Variants in GLMN observed in about 807,000 individuals in gnomAD.
GLMN encodes glomulin.
Under a neutral mutation model 87.8 loss-of-function variants are expected in GLMN, and 75 were observed. The ratio of observed to expected loss-of-function variants is 0.85; its 90% confidence interval spans 0.71 to 1.04. The LOEUF (loss-of-function observed/expected upper bound fraction) is 1.04. Among genes scored for constraint, GLMN ranks in the 50% least tolerant of loss-of-function variants. The pLI, the probability that GLMN is intolerant of heterozygous loss-of-function variation, is 0.00. For synonymous variants in GLMN, 206 were observed against 221.6 expected, an observed-to-expected ratio of 0.93 and a Z score of 0.63; for missense variants, 588 against 658.8, an observed-to-expected ratio of 0.89 and a Z score of 1.18.
At chr1:92,365,188 A>G in the GLMN span, among the ~76,000 whole-genome samples, 1 of 152,168 alleles carries the variant, frequency 6.6e-6, no homozygotes, top group Non-Finnish European at 1.5e-5. Flanking sequence ...CCCCTTAAGT[A>G]AGACCTCTCA....
At chr1:92,345,900 G>T in the GLMN span, 1 of 1,603,290 alleles carries the variant, frequency 6.2e-7, no homozygotes, top group Middle Eastern at 1.7e-4. Context: ...TAATTGCTAT[G>T]GTGTTGCTGT....
At chr1:92,318,473 A>G in the GLMN span, among the ~76,000 whole-genome samples, 8 of 152,234 alleles carry the variant, frequency 5.3e-5, no homozygotes, top group East Asian at 9.7e-4. Context: ...TCTCTCTACT[A>G]TGTTTTTCCC....
intron 16 of GLMN, among the ~76,000 whole-genome samples, chr1:92,258,198 A>G (rs1228198721): frequency 2.0e-5 from 3 of 152,232 alleles, no homozygotes; most frequent in Non-Finnish European, 4.4e-5. Context: ...CAAAACCACA[A>G]TGAGATACCA....
In GLMN at chr1:92,266,097, G is replaced by T. The variant is rs78720856; in HGVS notation, c.1214+322C>A. Among the ~76,000 whole-genome samples, 383 of 152,262 alleles carry T rather than the reference G, an allele frequency of 2.5e-3. 3 individuals are homozygous for T. The highest frequency in any genetic ancestry group is 9.3e-3 in the South Asian group (45 of 4,828). On this transcript the variant is annotated intron_variant, in intron 13 of 18. Coordinates refer to ENST00000370360, the MANE Select transcript of GLMN (RefSeq NM_053274.3). ...TTTGAACTGTGAGTAATGGAGATTA[G>T]TGACATACATAAAGTTCCAGCAGGA...
At chr1:92,290,338 AT>A in intron 4 of GLMN, 32 bp from the exon 5 acceptor site, 1 of 1,253,610 alleles carries the variant, frequency 8.0e-7, no homozygotes, top group Non-Finnish European at 1.2e-6. Context: ...AACCTGTTTA[AT>A]ACAAGTTGTA....
intron 7 of GLMN, among the ~76,000 whole-genome samples, chr1:92,281,762 G>A (rs921013784): frequency 3.9e-5 from 6 of 151,928 alleles, no homozygotes; most frequent in Non-Finnish European, 5.9e-5. Context: ...TCAAAATAAA[G>A]GGGTGGAGAA....
chr1:92,254,671 G>A (rs899997003), intron 16 of GLMN, among the ~76,000 whole-genome samples: 2 of 152,140 alleles, frequency 1.3e-5, no homozygotes, highest in African/African-American at 2.4e-5. Flanking sequence ...AGCTTCATAA[G>A]TGAAGGAGAA....
intron 7 of GLMN, among the ~76,000 whole-genome samples, chr1:92,275,578 C>T (rs188772269): frequency 2.6e-5 from 4 of 152,312 alleles, no homozygotes; most frequent in Admixed American, 2.0e-4. Flanking sequence ...TTCATCCAAC[C>T]TCTTTTAAAG....
chr1:92,286,585 T>A lies in GLMN; in HGVS notation c.640A>T (p.Lys214Ter). Reference protein sequence around the residue: ...LKDELLKFCFKSLKCPLLTAQ... With the variant: ...LKDELLKFCF Reference sequence around the variant, plus strand: ...GTCAGCAAAGGGCATTTCAAGCTTTTGAAACAACTAAGGCATAAGAAATAG... The same window carrying A: ...GTCAGCAAAGGGCATTTCAAGCTTTAGAAACAACTAAGGCATAAGAAATAG... The change falls in exon 7 of 19, where the codon AAA becomes TAA. Residue 214 changes from lysine (K) to a stop codon, truncating the protein, a stop_gained. Coordinates refer to ENST00000370360, the MANE Select transcript of GLMN (RefSeq NM_053274.3). LOFTEE classifies it high-confidence loss of function. 6.4e-7 allele frequency: 1 copy of A among 1,550,998 alleles called. No homozygotes were observed. Among genetic ancestry groups the A allele is most frequent in the Non-Finnish European group, 8.9e-7 (1 of 1,123,042 alleles).
chr1:92,299,581 G>A (rs1166714254), upstream of GLMN, among the ~76,000 whole-genome samples: 2 of 152,300 alleles, frequency 1.3e-5, no homozygotes, highest in East Asian at 1.9e-4. Context: ...CAGACGGAGA[G>A]AGGTTTCCCC....
chr1:92,349,837 A>C, the GLMN span, among the ~76,000 whole-genome samples: 79 of 152,288 alleles, frequency 5.2e-4, 1 homozygote, highest in African/African-American at 1.9e-3. Flanking sequence ...CTGTGGTGGG[A>C]GGATCTCTTC....
the GLMN span, among the ~76,000 whole-genome samples, chr1:92,338,835 C>G: frequency 2.6e-5 from 4 of 151,986 alleles, no homozygotes; most frequent in East Asian, 7.7e-4. Flanking sequence ...GTCTTGAACT[C>G]TTGCCCTCAA....
chr1:92,251,008 C>T (rs905949502), intron 16 of GLMN, among the ~76,000 whole-genome samples: 2 of 152,130 alleles, frequency 1.3e-5, no homozygotes, highest in African/African-American at 4.8e-5. Flanking sequence ...CTCCAGCAAC[C>T]AGCAATCTGA....
At chr1:92,300,150 A>C (rs200138332), upstream of GLMN, 4 of 1,392,628 alleles carry the variant, frequency 2.9e-6, no homozygotes, top group South Asian at 4.7e-5. Context: ...TCCGTCGTTT[A>C]CGGAAATGTC....
intron 9 of GLMN, among the ~76,000 whole-genome samples, chr1:92,269,235 G>T (rs1655981775): frequency 6.7e-6 from 1 of 149,146 alleles, no homozygotes; most frequent in Non-Finnish European, 1.5e-5. Context: ...AAGTCCTGCT[G>T]CTTAGCACCT....
chr1:92,247,940 G>T lies in GLMN; in HGVS notation c.1523C>A (p.Pro508Gln). The change falls in exon 17 of 19, where the codon CCA (proline) becomes CAA (glutamine). Residue 508 changes from proline to glutamine, a missense_variant. Pro to Gln is a moderately conservative substitution (Grantham distance 76). Transcript: ENST00000370360. Reference sequence around the variant, plus strand: ...TGACATATTAAGTCCTATATGAAGTGGCTTTAAGAAATTATTCTCAATATT... The same window carrying T: ...TGACATATTAAGTCCTATATGAAGTTGCTTTAAGAAATTATTCTCAATATT... ...LGNIENNFLK[P>Q]LHIGLNMSKA... is the part of the protein sequence containing the mutation. The T allele has an allele frequency of 7.0e-7, 1 of 1,424,090 alleles. No individual in the cohort carries two copies. The allele number at this position is 1,424,090 out of a possible 1,614,324, so 88.2% of individuals were successfully genotyped here. A position where few individuals can be genotyped will look rare whatever the true frequency, so the allele number is the denominator to read the frequency against.
At chr1:92,270,183 T>A (rs892235206) in intron 8 of GLMN, among the ~76,000 whole-genome samples, 3 of 152,216 alleles carry the variant, frequency 2.0e-5, no homozygotes, top group Non-Finnish European at 4.4e-5. Flanking sequence ...AGAAGGAGCA[T>A]CCAGAACTAT....
the GLMN span, among the ~76,000 whole-genome samples, chr1:92,314,684 A>G: frequency 6.6e-6 from 1 of 151,812 alleles, no homozygotes; most frequent in South Asian, 2.1e-4. Flanking sequence ...CAGAGGTTGC[A>G]GTGAGCTGAG....
intron 7 of GLMN, among the ~76,000 whole-genome samples, chr1:92,282,164 A>T (rs1648138447): frequency 6.6e-6 from 1 of 152,230 alleles, no homozygotes; most frequent in Admixed American, 6.5e-5. Context: ...AAATCAACAG[A>T]ATATACATTC....
Sources: allele counts gnomAD v4.1 joint callset (sites outside exome capture counted in the v4.1 genomes callset), GRCh38; gene constraint gnomAD v4.1.1; transcripts MANE v1.5; gene names NCBI Gene and HGNC (gene_info 2026-07-23, HGNC 2026-07-21).